Variants in VPS50 observed in about 807,000 individuals in gnomAD.
VPS50 encodes the protein VPS50 subunit of EARP/GARPII complex.
In VPS50, 70 loss-of-function variants were observed where a neutral mutation model predicts 139.7. The ratio of observed to expected loss-of-function variants is 0.50; its 90% CI spans 0.41 to 0.61. VPS50 has a LOEUF of 0.61. VPS50 is among the 20% of genes least tolerant of loss of function. The probability of loss-of-function intolerance (pLI) is 0.00; values close to 1 mark genes in which losing one functional copy is unlikely to be tolerated. For synonymous variants in VPS50, 365 were observed against 376.7 expected, an observed-to-expected ratio of 0.97 and a Z score of 0.36; for missense variants, 921 against 1,133.7, an observed-to-expected ratio of 0.81 and a Z score of 2.69.
chr7:93,232,375 C>A lies in VPS50; in HGVS notation c.-93C>A. 9.4e-7 allele frequency: 1 copy of A among 1,067,862 alleles called. No homozygotes were observed. Among genetic ancestry groups the A allele is most frequent in the East Asian group, 2.4e-5 (1 of 42,054 alleles). The allele number at this position is 1,067,862 out of a possible 1,614,324, so 66.1% of individuals were successfully genotyped here. On this transcript the variant is annotated 5_prime_UTR_variant, in exon 1 of 28. Coordinates refer to ENST00000305866, the MANE Select transcript of VPS50 (RefSeq NM_017667.4). ...GGGTCGGCTCCTCCACGTGACCACC[C>A]ACTATGGCTTCCTAGTGTCAGGGCC...
Position 93,257,405 on chromosome 7 carries a change from A to G in VPS50, c.363A>G (p.Arg121=), listed in dbSNP as rs1562853862. The G allele has an allele frequency of 6.3e-7, 1 of 1,594,638 alleles. No individual in the cohort carries two copies. Among genetic ancestry groups the G allele is most frequent in the East Asian group, 2.2e-5 (1 of 44,570 alleles). Residue 121 remains arginine, a synonymous_variant, in exon 6 of 28, where the codon AGA becomes AGG. Coordinates refer to ENST00000305866, the MANE Select transcript of VPS50 (RefSeq NM_017667.4). The part of the protein sequence containing the change: ...KQPAYVKELE[R]VTSLQTGLQL... ...TAATCTTCCCATAGGAACTTGAAAG[A>G]GTTACCTCATTGCAGACAGGTCTTC...
chr7:93,302,253 T>C (rs1256165911), intron 16 of VPS50, among the ~76,000 whole-genome samples: 1 of 152,146 alleles, frequency 6.6e-6, no homozygotes, highest in Non-Finnish European at 1.5e-5. Context: ...TCTTCAAATA[T>C]TGCTTTTGCT....
intron 23 of VPS50, among the ~76,000 whole-genome samples, chr7:93,346,622 C>G (rs1470295243): frequency 6.6e-6 from 1 of 151,930 alleles, no homozygotes; most frequent in Non-Finnish European, 1.5e-5. Flanking sequence ...GGTACCAAAA[C>G]AGAGATATAG....
intron 20 of VPS50, among the ~76,000 whole-genome samples, chr7:93,311,838 A>T (rs1329462829): frequency 1.3e-5 from 2 of 152,118 alleles, no homozygotes; most frequent in African/African-American, 4.8e-5. Flanking sequence ...GGATTTTTTT[A>T]AAATCAGTAT....
chr7:93,274,946 A>G (rs1245249937), intron 11 of VPS50, among the ~76,000 whole-genome samples: 2 of 152,166 alleles, frequency 1.3e-5, no homozygotes. Flanking sequence ...CATTAGCAGG[A>G]GTTTGGAAGA....
chr7:93,322,898 G>GT (rs1185457276), intron 20 of VPS50, among the ~76,000 whole-genome samples: 1 of 152,040 alleles, frequency 6.6e-6, no homozygotes, highest in Admixed American at 6.6e-5. Context: ...AATTCATTGT[G>GT]TTTTTTGTTT....
chr7:93,324,133 G>C (rs1325603500), intron 21 of VPS50, among the ~76,000 whole-genome samples: 1 of 152,172 alleles, frequency 6.6e-6, no homozygotes, highest in Admixed American at 6.5e-5. Context: ...AAGAATGCTT[G>C]TGATTTTTGT....
At chr7:93,246,099 C>A in intron 2 of VPS50, 1 of 1,493,168 alleles carries the variant, frequency 6.7e-7, no homozygotes, top group Non-Finnish European at 9.0e-7. Context: ...TTTTTGCTTT[C>A]AGTTAGAGCC....
chr7:93,256,757 C>T (rs974766618), intron 5 of VPS50, among the ~76,000 whole-genome samples, 195 bp downstream of exon 5: 2 of 151,904 alleles, frequency 1.3e-5, no homozygotes, highest in South Asian at 2.1e-4. Context: ...ACTGAAGAAG[C>T]GAAGGGTTTT....
chr7:93,342,028 C>A (rs1356322037), intron 23 of VPS50, among the ~76,000 whole-genome samples: 5 of 152,182 alleles, frequency 3.3e-5, no homozygotes, highest in African/African-American at 1.2e-4. Context: ...GTGAACGACA[C>A]AGAAGACGGG....
At chr7:93,355,122 A>ATTTT (rs765486788) in intron 26 of VPS50, among the ~76,000 whole-genome samples, 9,081 of 145,136 alleles carry the variant, frequency 0.063, 710 homozygotes, top group East Asian at 0.28. Flanking sequence ...TCTTTTTTAA[A>ATTTT]AAAAAAAAAA....
chr7:93,312,402 T>G (rs1265346062), intron 20 of VPS50, among the ~76,000 whole-genome samples: 1 of 152,158 alleles, frequency 6.6e-6, no homozygotes, highest in African/African-American at 2.4e-5. Context: ...CTGTAATGTC[T>G]CTCATACATG....
At chr7:93,334,899 C>T (rs1224798899) in intron 22 of VPS50, among the ~76,000 whole-genome samples, 1 of 152,164 alleles carries the variant, frequency 6.6e-6, no homozygotes, top group Non-Finnish European at 1.5e-5. Context: ...AGACGTTTCT[C>T]CACATCTACT....
chr7:93,245,379 T>C (rs1795117612), intron 2 of VPS50, among the ~76,000 whole-genome samples: 1 of 151,846 alleles, frequency 6.6e-6, no homozygotes, highest in African/African-American at 2.4e-5. Flanking sequence ...GGCACTGGGA[T>C]TGAAGGTGCT....
chr7:93,345,779 C>G (rs933602586), intron 23 of VPS50, among the ~76,000 whole-genome samples: 15 of 152,114 alleles, frequency 9.9e-5, no homozygotes, highest in Non-Finnish European at 7.4e-5. Flanking sequence ...ATTCAACAAC[C>G]CTTCATGCAA....
At position 93,260,053 on chromosome 7, in the gene VPS50, A is replaced by G. The variant is rs181775136; in HGVS notation, c.659+421A>G. ...TCAAGTGTTTGGCTCATCATGATAAAAAGTCTTTTGGAAAATTTAAGTATG... is the reference window on the plus strand; with the variant it reads ...TCAAGTGTTTGGCTCATCATGATAAGAAGTCTTTTGGAAAATTTAAGTATG... On this transcript the variant is annotated intron_variant, in intron 9 of 27. Coordinates refer to ENST00000305866, the MANE Select transcript of VPS50 (RefSeq NM_017667.4). Among the ~76,000 whole-genome samples the G allele has an allele frequency of 2.2e-3, 329 of 152,294 alleles. 1 individual carries two copies. Among genetic ancestry groups the G allele is most frequent in the African/African-American group, 7.5e-3 (311 of 41,576 alleles).
At chr7:93,326,453 TAAAA>T (rs746975999) in intron 21 of VPS50, among the ~76,000 whole-genome samples, 8 of 127,366 alleles carry the variant, frequency 6.3e-5, no homozygotes, top group African/African-American at 1.7e-4. Context: ...ATAATAATAA[TAAAA>T]AAAAAATAAA....
chr7:93,348,598 ATTT>A, intron 23 of VPS50, 110 bp from the exon 24 acceptor site: 1 of 711,364 alleles, frequency 1.4e-6, no homozygotes, highest in South Asian at 1.8e-5. Context: ...GTGGAAAGTA[ATTT>A]TTATTGTTAA....
chr7:93,333,624 A>G (rs533396565), intron 21 of VPS50, among the ~76,000 whole-genome samples: 2 of 152,326 alleles, frequency 1.3e-5, no homozygotes, highest in East Asian at 3.9e-4. Context: ...ATAGATTTCT[A>G]TCTATACTGT....
Sources: allele counts gnomAD v4.1 joint callset (sites outside exome capture counted in the v4.1 genomes callset), GRCh38; gene constraint gnomAD v4.1.1; transcripts MANE v1.5; gene names NCBI Gene and HGNC (gene_info 2026-07-23, HGNC 2026-07-21).